The following FAM114A1 variants were observed in gnomAD, a reference collection of about 807,000 sequenced individuals.
FAM114A1 encodes the protein family with sequence similarity 114 member A1, also known as protein NOXP20.
A neutral mutation model predicts 64.3 loss-of-function variants in FAM114A1; 62 were observed. That is an observed-to-expected ratio of 0.96 (90% CI 0.79 to 1.19). The LOEUF is 1.19. FAM114A1 is among the 50% of genes most tolerant of loss of function. The pLI is 0.00. For missense variants in FAM114A1, 645 were observed against 676.3 expected (o/e 0.95, Z 0.51); for synonymous variants, 254 against 251.1 (o/e 1.01, Z -0.11).
At chr4:38,906,923 A>C (rs547094873) in intron 6 of FAM114A1, among the ~76,000 whole-genome samples, 1 of 152,348 alleles carries the variant, frequency 6.6e-6, no homozygotes, top group African/African-American at 2.4e-5. Flanking sequence ...AAAAACAACA[A>C]CACAAACATG....
intron 9 of FAM114A1, chr4:38,928,995 G>T: frequency 2.1e-6 from 1 of 478,676 alleles, no homozygotes; most frequent in Middle Eastern, 6.1e-4. Flanking sequence ...CCTTTGGGTT[G>T]TCCTGGGGGT....
intron 13 of FAM114A1, among the ~76,000 whole-genome samples, chr4:38,936,547 C>CTT (rs1560335555): frequency 7.1e-6 from 1 of 140,628 alleles, no homozygotes; most frequent in South Asian, 2.2e-4. Flanking sequence ...TAAGAGTTTT[C>CTT]ATTTTTTTTT....
intron 6 of FAM114A1, 152 bp downstream of exon 6, chr4:38,906,013 A>G: frequency 1.6e-6 from 1 of 635,800 alleles, no homozygotes; most frequent in Admixed American, 3.5e-5. Context: ...TTCTGCTACA[A>G]AGTAGACGTA....
rs1453458305 is a variant in FAM114A1 at position 38,936,547 on chromosome 4, CA to C, written c.1536+758del. ...ATAAGCCATGCAAGATAAGAGTTTT[CA>C]TTTTTTTTTTTTTTTTTTTTTTGAG... On this transcript the variant is annotated intron_variant, in intron 13 of 14. Transcript: ENST00000358869. Among the ~76,000 whole-genome samples, 19 of 140,616 alleles carry C rather than the reference CA, an allele frequency of 1.4e-4. No homozygotes were observed. The South Asian group carries it at 1.6e-3, about 12-fold the overall frequency. The allele number at this position is 140,616 out of a possible 152,430, so 92.2% of individuals were successfully genotyped here.
chr4:38,893,284 G>T lies in FAM114A1; in HGVS notation c.436+1454G>T, dbSNP rs149581011. Among the ~76,000 whole-genome samples, 467 of 152,320 alleles carry T rather than the reference G, an allele frequency of 3.1e-3. 5 individuals are homozygous for T. The highest frequency in any genetic ancestry group is 0.011 in the African/African-American group (441 of 41,558). ...AAAAACTAAAAAGGAGGTTCTAAAAGATTGTTTTAATTGGAATAAGTCATG... is the reference window on the plus strand; with the variant it reads ...AAAAACTAAAAAGGAGGTTCTAAAATATTGTTTTAATTGGAATAAGTCATG... On this transcript the variant is annotated intron_variant, in intron 4 of 14. Transcript: ENST00000358869.
chr4:38,945,637 A>G lies in FAM114A1; in HGVS notation c.*2080A>G, dbSNP rs1197154955. On this transcript the variant is annotated 3_prime_UTR_variant, in exon 15 of 15. Coordinates refer to ENST00000358869, the MANE Select transcript of FAM114A1 (RefSeq NM_138389.4). ...TTCATTTGTCTATGTACTGTATTTC[A>G]TTTGTATGTCTCCTGAAACATCCAA... The G allele has an allele frequency of 6.6e-6, 1 of 152,326 alleles. No homozygotes were observed. The highest frequency in any genetic ancestry group is 2.4e-5 in the African/African-American group (1 of 41,568). The allele number at this position is 152,326 out of a possible 1,614,324, so 9.4% of individuals were successfully genotyped here.
chr4:38,878,273 C>A lies in FAM114A1; in HGVS notation c.195C>A (p.Ala65=), dbSNP rs1352021266. 1 of 1,614,220 alleles carries A rather than the reference C, an allele frequency of 6.2e-7. No individual in the cohort carries two copies. The highest frequency in any genetic ancestry group is 1.1e-5 in the South Asian group (1 of 91,080). ...CTGTGCAGGGTGCAGGGGCTGCCGC[C>A]ATTGGGCCCCCTGTGCAGCCTCAGG... ...NAAVQGAGAA[A]IGPPVQPQDA... The change falls in exon 3 of 15, where the codon GCC becomes GCA. Residue 65 remains alanine (A), a synonymous_variant. Transcript: ENST00000358869.
Position 38,936,354 on chromosome 4 carries a change from A to G in FAM114A1, c.1536+564A>G, listed in dbSNP as rs375230563. On this transcript the variant is annotated intron_variant, in intron 13 of 14. Coordinates refer to ENST00000358869, the MANE Select transcript of FAM114A1 (RefSeq NM_138389.4). ...CGTGATCCGCCCACCTCGGCCCTGC[A>G]AAGTGCTGGGATTACAGGCGTGAGC... 1.6e-3 allele frequency among the ~76,000 whole-genome samples: 241 copies of G among 151,988 alleles called. 11 individuals carry two copies. The South Asian group carries it at 0.045, about 28-fold the overall frequency.
intron 12 of FAM114A1, among the ~76,000 whole-genome samples, chr4:38,932,822 A>C (rs1482103042): frequency 6.6e-6 from 1 of 151,514 alleles, no homozygotes; most frequent in Non-Finnish European, 1.5e-5. Context: ...AAGTCAACCA[A>C]TTCCATTGTT....
In FAM114A1 at chr4:38,891,788, T is replaced by G. The variant is rs545106237; in HGVS notation, c.394T>G (p.Ser132Ala). The G allele has an allele frequency of 3.4e-5, 55 of 1,612,782 alleles. No individual in the cohort carries two copies. In the South Asian group the frequency reaches 5.7e-4, roughly 17 times the overall value. Reference sequence around the variant, plus strand: ...TGGAGGAGGATGGGCAGGCTGGGGATCCTGGGGCAAATCTCTGCTGTCGTC... The same window carrying G: ...TGGAGGAGGATGGGCAGGCTGGGGAGCCTGGGGCAAATCTCTGCTGTCGTC... Reference protein sequence around the residue: ...PSGGGWAGWGSWGKSLLSSAS... With the variant: ...PSGGGWAGWGAWGKSLLSSAS... The change falls in exon 4 of 15, where the codon TCC (serine) becomes GCC (alanine). Residue 132 changes from serine to alanine, a missense_variant. Coordinates refer to ENST00000358869, the MANE Select transcript of FAM114A1 (RefSeq NM_138389.4).
chr4:38,877,343 T>C (rs1003507945), intron 2 of FAM114A1, among the ~76,000 whole-genome samples: 1 of 152,144 alleles, frequency 6.6e-6, no homozygotes, highest in African/African-American at 2.4e-5. Context: ...TCCCTGCAAC[T>C]AGATGCTCCC....
intron 13 of FAM114A1, among the ~76,000 whole-genome samples, chr4:38,938,876 T>C (rs548358669): frequency 6.6e-5 from 10 of 152,358 alleles, no homozygotes; most frequent in Middle Eastern, 6.8e-3. Context: ...TCTGTGTGCA[T>C]GTTTGTATTA....
chr4:38,901,072 G>GA (rs1717466510), intron 4 of FAM114A1, among the ~76,000 whole-genome samples: 1 of 152,068 alleles, frequency 6.6e-6, no homozygotes, highest in Admixed American at 6.6e-5. Context: ...GTTAAAATAA[G>GA]AAAAAGAAGG....
At chr4:38,934,697 A>G (rs1720936542) in intron 12 of FAM114A1, among the ~76,000 whole-genome samples, 1 of 152,168 alleles carries the variant, frequency 6.6e-6, no homozygotes, top group African/African-American at 2.4e-5. Context: ...TTTGTTAAAT[A>G]TTTGTGTGTA....
intron 8 of FAM114A1, among the ~76,000 whole-genome samples, chr4:38,917,918 T>A (rs1719224587): frequency 6.6e-6 from 1 of 152,068 alleles, no homozygotes; most frequent in African/African-American, 2.4e-5. Flanking sequence ...ATGGGTACTA[T>A]AATAAACAGT....
intron 4 of FAM114A1, 135 bp downstream of exon 4, chr4:38,891,965 G>T (rs1716454026): frequency 1.5e-6 from 1 of 645,206 alleles, no homozygotes. Context: ...ACTATTCTAA[G>T]TGCTTCATTT....
chr4:38,888,150 A>G (rs1315745885), intron 3 of FAM114A1, among the ~76,000 whole-genome samples: 1 of 152,018 alleles, frequency 6.6e-6, no homozygotes, highest in East Asian at 1.9e-4. Flanking sequence ...TTGATAGCTT[A>G]AAATAAATGC....
intron 7 of FAM114A1, 42 bp from the exon 8 acceptor site, chr4:38,914,879 T>C (rs562870312): frequency 1.3e-6 from 2 of 1,590,988 alleles, no homozygotes; most frequent in African/African-American, 2.7e-5. Context: ...AACGGTGCTT[T>C]TAAATGTACA....
At chr4:38,890,697 T>G (rs1462536944) in intron 3 of FAM114A1, among the ~76,000 whole-genome samples, 2 of 152,172 alleles carry the variant, frequency 1.3e-5, no homozygotes, top group Non-Finnish European at 2.9e-5. Flanking sequence ...TTAGGACTCA[T>G]TGGTTGCAAG....
Sources: allele counts gnomAD v4.1 joint callset (sites outside exome capture counted in the v4.1 genomes callset), GRCh38; gene constraint gnomAD v4.1.1; transcripts MANE v1.5; gene names NCBI Gene and HGNC (gene_info 2026-07-23, HGNC 2026-07-21).